The following AUTS2 variants were observed in gnomAD, a reference collection of about 807,000 sequenced individuals.
The protein encoded by AUTS2 is activator of transcription and developmental regulator AUTS2, also known as autism susceptibility gene 2 protein.
AUTS2 carries 17 observed loss-of-function variants against 112.4 expected under a neutral mutation model. The ratio of observed to expected loss-of-function variants is 0.15; its 90% CI spans 0.10 to 0.23. The LOEUF (loss-of-function observed/expected upper bound fraction) is 0.23, where lower values mean the gene tolerates loss of function less well. AUTS2 is among the 10% of genes least tolerant of loss of function. The probability of loss-of-function intolerance (pLI) is 1.00; values close to 1 mark genes in which losing one functional copy is unlikely to be tolerated. For missense variants in AUTS2, 1,510 were observed against 1,701.6 expected (o/e 0.89, Z 1.98); for synonymous variants, 751 against 702.7 (o/e 1.07, Z -1.09).
At chr7:70,003,011 T>C in intron 2 of AUTS2, among the ~76,000 whole-genome samples, 1 of 150,928 alleles carries the variant, frequency 6.6e-6, no homozygotes, top group Middle Eastern at 3.2e-3. Context: ...ATAGGATATA[T>C]GAAAAACTAG....
At chr7:70,568,820 T>C (rs1048321131) in intron 5 of AUTS2, among the ~76,000 whole-genome samples, 1 of 152,256 alleles carries the variant, frequency 6.6e-6, no homozygotes, top group Non-Finnish European at 1.5e-5. Context: ...GTTCCATTTG[T>C]GTGTTTGCAG....
At chr7:70,714,404 C>T (rs951478795) in intron 6 of AUTS2, among the ~76,000 whole-genome samples, 12 of 152,056 alleles carry the variant, frequency 7.9e-5, no homozygotes, top group Non-Finnish European at 1.8e-4. Flanking sequence ...TACTTTAGTG[C>T]ACATCTATAA....
At chr7:69,804,078 G>C (rs182898042) in intron 1 of AUTS2, among the ~76,000 whole-genome samples, 70 of 152,198 alleles carry the variant, frequency 4.6e-4, no homozygotes, top group African/African-American at 1.6e-3. Context: ...ACTAAACAAC[G>C]TGTATTTCCA....
chr7:70,175,357 C>G (rs554612069), intron 4 of AUTS2, among the ~76,000 whole-genome samples: 191 of 152,324 alleles, frequency 1.3e-3, no homozygotes, highest in Non-Finnish European at 2.3e-3. Context: ...ATGGAGTCTA[C>G]TCCTGGTGAA....
chr7:69,643,457 A>G (rs748153814), intron 1 of AUTS2: 1 of 152,208 alleles, frequency 6.6e-6, no homozygotes, highest in Non-Finnish European at 1.5e-5. Flanking sequence ...GGATCTGTGA[A>G]TAAGTATCTC....
intron 6 of AUTS2, among the ~76,000 whole-genome samples, chr7:70,710,607 C>T (rs1809998351): frequency 6.6e-6 from 1 of 152,122 alleles, no homozygotes; most frequent in Non-Finnish European, 1.5e-5. Context: ...TGTGTCTTTG[C>T]GGGAGAGTTG....
intron 6 of AUTS2, among the ~76,000 whole-genome samples, chr7:70,721,279 C>T (rs1222207100): frequency 8.6e-5 from 12 of 140,052 alleles, no homozygotes; most frequent in South Asian, 2.4e-4. Flanking sequence ...GAATTTCATT[C>T]GTGTGTGTGT....
At chr7:69,790,670 C>T (rs757778636) in intron 1 of AUTS2, among the ~76,000 whole-genome samples, 2 of 152,200 alleles carry the variant, frequency 1.3e-5, no homozygotes, top group Non-Finnish European at 2.9e-5. Context: ...AGAAAAGTGC[C>T]TTGGCACATA....
At chr7:69,815,054 A>G (rs1790698854) in intron 1 of AUTS2, among the ~76,000 whole-genome samples, 1 of 152,230 alleles carries the variant, frequency 6.6e-6, no homozygotes, top group Admixed American at 6.5e-5. Context: ...TTTGCCATGA[A>G]GACATTTACA....
intron 4 of AUTS2, among the ~76,000 whole-genome samples, chr7:70,171,894 GTTTT>G (rs11295400): frequency 6.9e-6 from 1 of 145,716 alleles, no homozygotes; most frequent in African/African-American, 2.5e-5. Flanking sequence ...TTATAAACAA[GTTTT>G]TTTTTTTGGG....
intron 6 of AUTS2, among the ~76,000 whole-genome samples, chr7:70,733,542 CT>C (rs139389177): frequency 0.24 from 33,040 of 138,320 alleles, 4,164 homozygotes; most frequent in South Asian, 0.34. Context: ...CACCACCCCC[CT>C]ACCCCCACAT....
At chr7:70,067,179 A>G (rs1802536501) in intron 2 of AUTS2, among the ~76,000 whole-genome samples, 1 of 152,232 alleles carries the variant, frequency 6.6e-6, no homozygotes, top group Non-Finnish European at 1.5e-5. Context: ...AAAGAGAATC[A>G]TCATTAAAAC....
At chr7:69,752,087 G>T (rs1402059021) in intron 1 of AUTS2, among the ~76,000 whole-genome samples, 1 of 152,048 alleles carries the variant, frequency 6.6e-6, no homozygotes, top group Non-Finnish European at 1.5e-5. Flanking sequence ...CGGCCTTAAT[G>T]CCCAGACAGT....
At chr7:69,757,114 C>G (rs1208250328) in intron 1 of AUTS2, among the ~76,000 whole-genome samples, 1 of 152,154 alleles carries the variant, frequency 6.6e-6, no homozygotes, top group Admixed American at 6.6e-5. Flanking sequence ...CTGCCTTCCT[C>G]TCACCCATTC....
intron 4 of AUTS2, among the ~76,000 whole-genome samples, chr7:70,208,424 T>A (rs1229732679): frequency 6.6e-6 from 1 of 152,118 alleles, no homozygotes; most frequent in Non-Finnish European, 1.5e-5. Context: ...CATTTTAGGG[T>A]TGCAGTATTC....
intron 4 of AUTS2, among the ~76,000 whole-genome samples, chr7:70,276,840 G>T (rs1387634576): frequency 1.3e-5 from 2 of 152,170 alleles, no homozygotes; most frequent in East Asian, 3.9e-4. Flanking sequence ...ATAAGAGAAG[G>T]CTAGTAATAG....
intron 5 of AUTS2, among the ~76,000 whole-genome samples, chr7:70,589,717 A>G (rs528769526): frequency 2.8e-4 from 43 of 152,006 alleles, no homozygotes; most frequent in Admixed American, 1.2e-3. Flanking sequence ...CTGTCTCAAA[A>G]AAAGAAAAGA....
At chr7:70,185,022 T>C (rs996353778) in intron 4 of AUTS2, among the ~76,000 whole-genome samples, 1 of 152,202 alleles carries the variant, frequency 6.6e-6, no homozygotes, top group African/African-American at 2.4e-5. Context: ...AATATAGTTA[T>C]TTATGCATAT....
chr7:69,730,631 A>T (rs993903192), intron 1 of AUTS2, among the ~76,000 whole-genome samples: 2 of 152,214 alleles, frequency 1.3e-5, no homozygotes, highest in Non-Finnish European at 2.9e-5. Context: ...GAGAATAACA[A>T]ATGTACAGAG....
Sources: allele counts gnomAD v4.1 joint callset (sites outside exome capture counted in the v4.1 genomes callset), GRCh38; gene constraint gnomAD v4.1.1; transcripts MANE v1.5; gene names NCBI Gene and HGNC (gene_info 2026-07-23, HGNC 2026-07-21).